The following FMO5 variants were observed in gnomAD, a reference collection of about 807,000 sequenced individuals.
FMO5 encodes flavin-containing monooxygenase 5.
In FMO5, 51 loss-of-function variants were observed where a neutral mutation model predicts 43.6. The ratio of observed to expected loss-of-function variants is 1.17; its 90% CI spans 0.93 to 1.48. FMO5 has a LOEUF of 1.48. Ranked by LOEUF, FMO5 falls within the 40% of genes most tolerant of loss-of-function variation. The pLI, the probability that FMO5 is intolerant of heterozygous loss-of-function variation, is 0.00. For missense variants in FMO5, 644 were observed against 643.0 expected (o/e 1.00, Z -0.02); for synonymous variants, 187 against 216.5 (o/e 0.86, Z 1.20).
At chr1:147,189,978 T>G (rs1656380949) in intron 8 of FMO5, among the ~76,000 whole-genome samples, 199 bp downstream of exon 8, 1 of 152,166 alleles carries the variant, frequency 6.6e-6, no homozygotes. Context: ...CACCTAAAAC[T>G]TTTCTCTCTT....
Position 147,186,297 on chromosome 1 carries a change from G to T in FMO5, c.*603C>A, listed in dbSNP as rs1467616771. On this transcript the variant is annotated 3_prime_UTR_variant, in exon 9 of 9. Coordinates refer to ENST00000254090, the MANE Select transcript of FMO5 (RefSeq NM_001461.4). ...TTCTTTATTGAGAAAATAAAGACAT[G>T]GTTCCTAAGGAAAAGGGCTAAAAAT... is the stretch of plus-strand genomic sequence containing the variant. The T allele has an allele frequency of 2.0e-6, 2 of 980,476 alleles. No individual in the cohort carries two copies. Among genetic ancestry groups the T allele is most frequent in the Non-Finnish European group, 2.4e-6 (2 of 825,666 alleles). 60.7% of individuals were successfully genotyped at this position (980,476 alleles called of 1,614,324 possible).
At position 147,201,325 on chromosome 1, in the gene FMO5, G is replaced by A. The variant is rs782405859; in HGVS notation, c.1010C>T (p.Pro337Leu). ...CACTTTGACGGAATCTTCCAGAAAT[G>A]GAAAGTCAAAGCTATAGCCTGTGGC... ...IFATGYSFDFPFLEDSVKVVK... is the reference protein window; with the variant it reads ...IFATGYSFDFLFLEDSVKVVK... Residue 337 changes from proline (P) to leucine (L), a missense_variant, in exon 7 of 9, where the codon CCA becomes CTA. Pro to Leu is a moderately conservative substitution (Grantham distance 98, BLOSUM62 -3). Transcript: ENST00000254090. The A allele has an allele frequency of 1.2e-6, 2 of 1,614,186 alleles. No homozygotes were observed. Among genetic ancestry groups the A allele is most frequent in the Non-Finnish European group, 1.7e-6 (2 of 1,180,024 alleles).
intron 6 of FMO5, chr1:147,204,369 T>TA (rs1659579596): frequency 9.7e-7 from 1 of 1,031,428 alleles, no homozygotes. Flanking sequence ...GAAAAATAGA[T>TA]ACGCATGCCT....
chr1:147,193,609 T>C (rs1657338693), intron 7 of FMO5, among the ~76,000 whole-genome samples: 1 of 152,168 alleles, frequency 6.6e-6, no homozygotes, highest in Non-Finnish European at 1.5e-5. Context: ...AGGGTGTCAA[T>C]TTTGGATCTT....
chr1:147,190,929 C>T (rs185946849), intron 7 of FMO5, among the ~76,000 whole-genome samples: 10 of 151,978 alleles, frequency 6.6e-5, no homozygotes, highest in Admixed American at 1.3e-4. Flanking sequence ...TGAGAACATG[C>T]GGTGTTTGGT....
At chr1:147,193,645 G>C (rs1349714638) in intron 7 of FMO5, among the ~76,000 whole-genome samples, 58 of 152,224 alleles carry the variant, frequency 3.8e-4, no homozygotes, top group African/African-American at 1.4e-3. Context: ...TGGGCATTTA[G>C]TGCTATAAAT....
chr1:147,201,592 A>G (rs1658984065), intron 6 of FMO5, 88 bp from the exon 7 acceptor site: 1 of 900,502 alleles, frequency 1.1e-6, no homozygotes. Context: ...GTGGAGGTAA[A>G]CAGGATGCCA....
intron 6 of FMO5, chr1:147,203,418 G>T (rs1659401813): frequency 1.1e-6 from 1 of 889,536 alleles, no homozygotes; most frequent in Non-Finnish European, 1.9e-6. Context: ...GTTTTCCCAG[G>T]TAAGTATCTA....
intron 2 of FMO5, among the ~76,000 whole-genome samples, 173 bp downstream of exon 2, chr1:147,224,722 G>T (rs1022517906): frequency 3.9e-5 from 6 of 152,086 alleles, no homozygotes; most frequent in Non-Finnish European, 7.3e-5. Flanking sequence ...GTGTTAGCCA[G>T]GATGGTCTCG....
At chr1:147,216,021 GT>G in intron 2 of FMO5, 79 bp from the exon 3 acceptor site, 2 of 1,102,466 alleles carry the variant, frequency 1.8e-6, no homozygotes, top group Non-Finnish European at 2.6e-6. Flanking sequence ...ATCTGAAAAA[GT>G]TTTCTGAAAG....
At chr1:147,188,911 G>A (rs1338264144) in intron 8 of FMO5, among the ~76,000 whole-genome samples, 4 of 152,084 alleles carry the variant, frequency 2.6e-5, no homozygotes, top group Admixed American at 2.6e-4. Flanking sequence ...CAAGAAGGAA[G>A]AAATGTTTAA....
chr1:147,226,236 C>A (rs1399403656), upstream of FMO5, among the ~76,000 whole-genome samples: 1 of 151,822 alleles, frequency 6.6e-6, no homozygotes, highest in Non-Finnish European at 1.5e-5. Context: ...CACTTCCGCC[C>A]CCGGCTCACC....
In FMO5 at chr1:147,215,914, A is replaced by G. The variant is rs1553924968; in HGVS notation, c.164T>C (p.Ile55Thr). 2 of 1,609,268 alleles carry G rather than the reference A, an allele frequency of 1.2e-6. No individual in the cohort carries two copies. Among genetic ancestry groups the G allele is most frequent in the Admixed American group, 1.7e-5 (1 of 58,932 alleles). The change falls in exon 3 of 9, where the codon ATT becomes ACT. Residue 55 changes from isoleucine to threonine, a missense_variant. Transcript: ENST00000254090. ...QENPEEGRAS[I>T]YKSVIINTSK... ...AGTATTGATGATCACTGATTTGTAA[A>G]TACTGGCCCTTCCTTCTTCAGGATT...
In FMO5 at chr1:147,201,494, G is replaced by C; in HGVS notation, c.841C>G (p.Gln281Glu). The C allele has an allele frequency of 5.0e-6, 8 of 1,611,916 alleles. No individual in the cohort carries two copies. Among genetic ancestry groups the C allele is most frequent in the Non-Finnish European group, 6.8e-6 (8 of 1,178,356 alleles). Residue 281 changes from glutamine (Q) to glutamate (E), a missense_variant, in exon 7 of 9, where the codon CAG becomes GAG. Transcript: ENST00000254090. Reference sequence around the variant, plus strand: ...AGGTCATCATTTAAGGTTGGATGCTGACTCAGAGCTCTGTGAGTCGTGACA... The same window carrying C: ...AGGTCATCATTTAAGGTTGGATGCTCACTCAGAGCTCTGTGAGTCGTGACA... The part of the protein sequence containing the change: ...GLKPKHRALS[Q>E]HPTLNDDLPN...
intron 6 of FMO5, among the ~76,000 whole-genome samples, chr1:147,206,751 C>T (rs1415105565): frequency 6.6e-6 from 1 of 151,874 alleles, no homozygotes; most frequent in African/African-American, 2.4e-5. Flanking sequence ...CATCACACAC[C>T]AGGGCCTGTT....
chr1:147,208,114 G>C (rs1553922823), intron 6 of FMO5, among the ~76,000 whole-genome samples: 1 of 152,122 alleles, frequency 6.6e-6, no homozygotes, highest in East Asian at 1.9e-4. Context: ...ATTTAGCACT[G>C]TGCTTATCTT....
chr1:147,208,721 G>A (rs1553923014), intron 6 of FMO5, 131 bp downstream of exon 6: 18 of 709,338 alleles, frequency 2.5e-5, no homozygotes, highest in African/African-American at 5.3e-5. Flanking sequence ...TTACAGGCGT[G>A]AGCCACCATG....
chr1:147,218,967 C>G (rs1480521024), intron 2 of FMO5, among the ~76,000 whole-genome samples: 14 of 152,306 alleles, frequency 9.2e-5, no homozygotes, highest in African/African-American at 3.1e-4. Flanking sequence ...ATAACTTAAA[C>G]ACACTATATT....
intron 8 of FMO5, 26 bp from the exon 9 acceptor site, chr1:147,187,271 G>A: frequency 1.3e-6 from 2 of 1,522,204 alleles, no homozygotes; most frequent in Non-Finnish European, 1.8e-6. Context: ...CAGAAACCAT[G>A]GCCTGTCAAT....
Sources: allele counts gnomAD v4.1 joint callset (sites outside exome capture counted in the v4.1 genomes callset), GRCh38; gene constraint gnomAD v4.1.1; transcripts MANE v1.5; gene names NCBI Gene and HGNC (gene_info 2026-07-23, HGNC 2026-07-21).